Variants in NISCH observed in about 807,000 individuals in gnomAD.
The protein encoded by NISCH is nischarin, also known as I-1 receptor candidate protein.
Under a neutral mutation model 138.4 loss-of-function variants are expected in NISCH, and 55 were observed. The ratio of observed to expected loss-of-function variants is 0.40; its 90% CI spans 0.32 to 0.50. The LOEUF is 0.50. Among genes scored for constraint, NISCH ranks in the 20% least tolerant of loss-of-function variants. NISCH has a pLI of 0.71. For missense variants in NISCH, 1,643 were observed against 2,005.5 expected, an observed-to-expected ratio of 0.82 and a Z score of 3.45; for synonymous variants, 860 against 861.5, an observed-to-expected ratio of 1.00 and a Z score of 0.03.
At position 52,487,130 on chromosome 3, in the gene NISCH, T is replaced by C; in HGVS notation, c.1704-66T>C. ...TCAGGGTGTAGCAGTGGGCTCCAGATGTGGCAGGTGGGAGGTGGGAGGGGC... is the reference window on the plus strand; with the variant it reads ...TCAGGGTGTAGCAGTGGGCTCCAGACGTGGCAGGTGGGAGGTGGGAGGGGC... On this transcript the variant is annotated intron_variant, in intron 15 of 20. Coordinates refer to ENST00000345716, the MANE Select transcript of NISCH (RefSeq NM_007184.4). The surrounding 1 kb of genome is among the most constrained non-coding windows in gnomAD (Gnocchi z 9.1). The C allele has an allele frequency of 1.3e-6, 2 of 1,536,738 alleles. No individual in the cohort carries two copies. Among genetic ancestry groups the C allele is most frequent in the Non-Finnish European group, 1.8e-6 (2 of 1,134,180 alleles).
chr3:52,481,515 G>A (rs1215142242), intron 13 of NISCH: 13 of 985,256 alleles, frequency 1.3e-5, no homozygotes, highest in South Asian at 4.7e-5. Context: ...CTTCCCTGAC[G>A]CTGCCTCCTG....
chr3:52,484,397 A>C (rs1707353450), intron 13 of NISCH, 116 bp from the exon 14 acceptor site: 3 of 932,924 alleles, frequency 3.2e-6, no homozygotes, highest in Non-Finnish European at 1.6e-6. Context: ...GGGTTTTGGG[A>C]TCTGGCTAAC....
intron 9 of NISCH, 119 bp from the exon 10 acceptor site, chr3:52,477,978 A>G: frequency 9.7e-7 from 1 of 1,026,664 alleles, no homozygotes; most frequent in Admixed American, 2.0e-5. Context: ...AATAACTGTC[A>G]GAGTGACTTG....
In NISCH at chr3:52,487,470, C is replaced by G. The variant is rs776366700; in HGVS notation, c.1978C>G (p.Pro660Ala). 5.6e-6 allele frequency: 9 copies of G among 1,603,312 alleles called. No homozygotes were observed. In the Admixed American group the frequency reaches 1.5e-4, roughly 27 times the overall value. The change falls in exon 16 of 21, where the codon CCA (proline) becomes GCA (alanine). Residue 660 changes from proline (P) to alanine (A), a missense_variant. Coordinates refer to ENST00000345716, the MANE Select transcript of NISCH (RefSeq NM_007184.4). The surrounding 1 kb of genome is among the most constrained non-coding windows in gnomAD (Gnocchi z 9.1). Reference protein sequence around the residue: ...AENRYFEMGPPDVEEEEGGGQ... With the variant: ...AENRYFEMGPADVEEEEGGGQ... ...GAACCGCTACTTTGAAATGGGGCCCCCAGACGTGGAGGAGGAGGAGGGAGG... is the reference window on the plus strand; with the variant it reads ...GAACCGCTACTTTGAAATGGGGCCCGCAGACGTGGAGGAGGAGGAGGGAGG...
In NISCH at chr3:52,492,697, C is replaced by G. The variant is rs1707603163; in HGVS notation, c.*215C>G. 2 of 637,016 alleles carry G rather than the reference C, an allele frequency of 3.1e-6. No individual in the cohort carries two copies. Among genetic ancestry groups the G allele is most frequent in the African/African-American group, 1.8e-5 (1 of 54,794 alleles). The allele number at this position is 637,016 out of a possible 1,614,324, so 39.5% of individuals were successfully genotyped here. ...TCAGGGCTGTCGGTGTGCTGTCAGC[C>G]TCCCACAGGTGGTACAGCCGTGCAC... On this transcript the variant is annotated 3_prime_UTR_variant, in exon 21 of 21. Coordinates refer to ENST00000345716, the MANE Select transcript of NISCH (RefSeq NM_007184.4).
chr3:52,491,522 G>A lies in NISCH; in HGVS notation c.3904+9G>A, dbSNP rs1397997761. 2 of 1,606,550 alleles carry A rather than the reference G, an allele frequency of 1.2e-6. No individual in the cohort carries two copies. The highest frequency in any genetic ancestry group is 2.7e-5 in the African/African-American group (2 of 74,878). The stretch of plus-strand genomic sequence containing the variant: ...TGGGAACAAGACCACAGGTACCCCT[G>A]TCTAGCTCAGGCTGCAGACAGGCTG... On this transcript the variant is annotated intron_variant, in intron 20 of 20. Transcript: ENST00000345716.
intron 7 of NISCH, 27 bp from the exon 8 acceptor site, chr3:52,476,420 G>A (rs1426184266): frequency 3.7e-6 from 6 of 1,611,878 alleles, no homozygotes; most frequent in Non-Finnish European, 5.1e-6. Flanking sequence ...CCCGAGTGTG[G>A]TGCTCCACAC....
At position 52,487,593 on chromosome 3, in the gene NISCH, C is replaced by T. The variant is rs1316221976; in HGVS notation, c.2101C>T (p.Leu701=). The part of the protein sequence containing the change: ...EWALGADEDF[L]LEHIRILKVL... ...GGCCCTGGGCGCGGACGAGGACTTC[C>T]TGCTGGAGCACATCCGCATCCTCAA... is the stretch of plus-strand genomic sequence containing the variant. Residue 701 remains leucine (L), a synonymous_variant, in exon 16 of 21, where the codon CTG becomes TTG. Transcript: ENST00000345716. The surrounding 1 kb of genome is among the most constrained non-coding windows in gnomAD (Gnocchi z 9.1). 3 of 1,613,814 alleles carry T rather than the reference C, an allele frequency of 1.9e-6. No homozygotes were observed. In the South Asian group the frequency reaches 3.3e-5, roughly 18 times the overall value.
chr3:52,463,264 G>A lies in NISCH; in HGVS notation c.360+4420G>A, dbSNP rs1166191383. ...ATTTAGCCTTATCTTTTCAAGGTCCGTTCATATTGTAGCATGAATCCATTG... is the reference window on the plus strand; with the variant it reads ...ATTTAGCCTTATCTTTTCAAGGTCCATTCATATTGTAGCATGAATCCATTG... On this transcript the variant is annotated intron_variant, in intron 3 of 20. Coordinates refer to ENST00000345716, the MANE Select transcript of NISCH (RefSeq NM_007184.4). 5.3e-5 allele frequency among the ~76,000 whole-genome samples: 8 copies of A among 152,266 alleles called. No homozygotes were observed. The South Asian group carries it at 1.5e-3, about 28-fold the overall frequency.
In NISCH at chr3:52,476,707, G is replaced by A. The variant is rs1433597182; in HGVS notation, c.918+108G>A. The A allele has an allele frequency of 4.5e-6, 5 of 1,108,202 alleles. No homozygotes were observed. The Admixed American group carries it at 8.2e-5, about 18-fold the overall frequency. The allele number at this position is 1,108,202 out of a possible 1,614,324, so 68.6% of individuals were successfully genotyped here. A position where few individuals can be genotyped will look rare whatever the true frequency, so the allele number is the denominator to read the frequency against. On this transcript the variant is annotated intron_variant, in intron 8 of 20. Transcript: ENST00000345716. The stretch of plus-strand genomic sequence containing the variant: ...AAGGACCACGGAAAACCTATATCTA[G>A]TGCTCTGTGCATTGCCTGCCATTTT...
Position 52,488,105 on chromosome 3 carries a change from C to T in NISCH, c.2613C>T (p.Ala871=), listed in dbSNP as rs554337606. ...VYSDKRMVQT[A]AGDYSGNIEW... ...GTGACAAGCGCATGGTGCAGACGGC[C>T]GCCGGGGACTACTCAGGCAACATCG... The change falls in exon 16 of 21, where the codon GCC becomes GCT. Residue 871 remains alanine, a synonymous_variant. Coordinates refer to ENST00000345716, the MANE Select transcript of NISCH (RefSeq NM_007184.4). 16 of 1,612,794 alleles carry T rather than the reference C, an allele frequency of 9.9e-6. 1 individual carries two copies. The highest frequency in any genetic ancestry group is 9.9e-5 in the South Asian group (9 of 91,090).
In NISCH at chr3:52,490,226, T is replaced by C; in HGVS notation, c.3608T>C (p.Leu1203Pro). Residue 1203 changes from leucine to proline, a missense_variant, in exon 18 of 21, where the codon CTG becomes CCG. Coordinates refer to ENST00000345716, the MANE Select transcript of NISCH (RefSeq NM_007184.4). Reference protein sequence around the residue: ...DGLRRYFSEPLQDFWHQKNTD... With the variant: ...DGLRRYFSEPPQDFWHQKNTD... ...CTCCGCCGCTACTTCTCAGAGCCAC[T>C]GCAGGGTAGGCACAGGGCCTGCTGG... 1 of 1,612,486 alleles carries C rather than the reference T, an allele frequency of 6.2e-7. No homozygotes were observed. Among genetic ancestry groups the C allele is most frequent in the Non-Finnish European group, 8.5e-7 (1 of 1,179,972 alleles).
intron 7 of NISCH, among the ~76,000 whole-genome samples, chr3:52,474,195 C>A (rs1333574525): frequency 6.6e-6 from 1 of 152,196 alleles, no homozygotes; most frequent in East Asian, 1.9e-4. Flanking sequence ...CTCCCTGCAA[C>A]CTCTACCTCC....
chr3:52,489,691 G>T lies in NISCH; in HGVS notation c.3456+13G>T, dbSNP rs1035361135. Reference sequence around the variant, plus strand: ...CAGCATTGCTGAGGTAGCGGCCCGGGTGTGGGTGCCAGCTATGGCACGGCC... The same window carrying T: ...CAGCATTGCTGAGGTAGCGGCCCGGTTGTGGGTGCCAGCTATGGCACGGCC... On this transcript the variant is annotated intron_variant, in intron 17 of 20. Coordinates refer to ENST00000345716, the MANE Select transcript of NISCH (RefSeq NM_007184.4). 4 of 1,606,452 alleles carry T rather than the reference G, an allele frequency of 2.5e-6. No individual in the cohort carries two copies. Among genetic ancestry groups the T allele is most frequent in the Admixed American group, 1.7e-5 (1 of 59,766 alleles).
At chr3:52,484,462 T>TCCCCCCCCCCCCCC in intron 13 of NISCH, 51 bp from the exon 14 acceptor site, 1 of 788,670 alleles carries the variant, frequency 1.3e-6, no homozygotes, top group Non-Finnish European at 1.8e-6. Context: ...ACAGCCGCTC[T>TCCCCCCCCCCCCCC]CCCCGCCCCA....
intron 2 of NISCH, 24 bp downstream of exon 2, chr3:52,457,950 C>A: frequency 1.9e-6 from 3 of 1,573,426 alleles, no homozygotes; most frequent in Non-Finnish European, 2.6e-6. Context: ...GCTGGGAGCA[C>A]GTATCTCAGG....
rs1399375165 is a variant in NISCH, at chr3:52,478,225, C to G, written c.1116C>G (p.Gly372=). ...LAGNLLESLS[G]LHKLYSLVNL... The stretch of plus-strand genomic sequence containing the variant: ...GCAACCTCCTAGAGAGTCTGAGTGG[C>G]CTGCACAAGCTCTACTCACTGGTCA... The change falls in exon 10 of 21, where the codon GGC becomes GGG. Residue 372 remains glycine, a synonymous_variant. Coordinates refer to ENST00000345716, the MANE Select transcript of NISCH (RefSeq NM_007184.4). 1 of 1,614,120 alleles carries G rather than the reference C, an allele frequency of 6.2e-7. No individual in the cohort carries two copies. The highest frequency in any genetic ancestry group is 2.2e-5 in the East Asian group (1 of 44,878).
At chr3:52,466,630 TG>T (rs1357705941) in intron 3 of NISCH, among the ~76,000 whole-genome samples, 2 of 151,502 alleles carry the variant, frequency 1.3e-5, no homozygotes, top group African/African-American at 4.9e-5. Context: ...CAGCCACACT[TG>T]GGGATGGCCT....
At chr3:52,468,306 C>T (rs932157544) in intron 3 of NISCH, among the ~76,000 whole-genome samples, 1 of 152,062 alleles carries the variant, frequency 6.6e-6, no homozygotes, top group African/African-American at 2.4e-5. Flanking sequence ...CAGTACTGAT[C>T]GTGGGGAACC....
Sources: allele counts gnomAD v4.1 joint callset (sites outside exome capture counted in the v4.1 genomes callset), GRCh38; gene constraint gnomAD v4.1.1; non-coding constraint Gnocchi (gnomAD v3.1); transcripts MANE v1.5; gene names NCBI Gene and HGNC (gene_info 2026-07-23, HGNC 2026-07-21).